Variants in GRHL2 observed in about 807,000 individuals in gnomAD.
GRHL2 encodes the protein grainyhead-like protein 2 homolog.
Under a neutral mutation model 83.8 loss-of-function variants are expected in GRHL2, and 21 were observed. That is an observed-to-expected ratio of 0.25 (90% confidence interval 0.18 to 0.36). The LOEUF is 0.36. GRHL2 is among the 10% of genes least tolerant of loss of function. The probability of loss-of-function intolerance (pLI) is 1.00; values close to 1 mark genes in which losing one functional copy is unlikely to be tolerated. For missense variants in GRHL2, 623 were observed against 781.8 expected, an observed-to-expected ratio of 0.80 and a Z score of 2.42; for synonymous variants, 280 against 278.9, an observed-to-expected ratio of 1.00 and a Z score of -0.04.
chr8:101,538,677 G>C (rs1474523927), intron 1 of GRHL2, among the ~76,000 whole-genome samples: 2 of 152,220 alleles, frequency 1.3e-5, no homozygotes, highest in Non-Finnish European at 2.9e-5. Flanking sequence ...CAGCTTCAGA[G>C]TGTTCCTAAC....
At chr8:101,609,826 A>G (rs1025365414) in intron 8 of GRHL2, among the ~76,000 whole-genome samples, 4 of 151,104 alleles carry the variant, frequency 2.6e-5, no homozygotes, top group Middle Eastern at 3.2e-3. Flanking sequence ...GAAACAAGGA[A>G]GGGAGGTCAT....
At position 101,654,981 on chromosome 8, in the gene GRHL2, G is replaced by A. The variant is rs187717925; in HGVS notation, c.1698+5482G>A. Among the ~76,000 whole-genome samples, 358 of 152,162 alleles carry A rather than the reference G, an allele frequency of 2.4e-3. 9 individuals carry two copies. In the East Asian group the frequency reaches 0.058, roughly 25 times the overall value. ...GCAGATCACCTGAGGTCGGGAGTTC[G>A]AGAACAGCCTGGCCAATATGGAGAA... is the stretch of plus-strand genomic sequence containing the variant. On this transcript the variant is annotated intron_variant, in intron 14 of 15. Coordinates refer to ENST00000646743, the MANE Select transcript of GRHL2 (RefSeq NM_024915.4).
intron 7 of GRHL2, among the ~76,000 whole-genome samples, chr8:101,580,419 T>C (rs547401019): frequency 2.0e-4 from 30 of 152,206 alleles, no homozygotes; most frequent in Non-Finnish European, 3.8e-4. Context: ...TCTCTAACTG[T>C]GTTTGTACCC....
chr8:101,634,659 C>T (rs1813251905), intron 11 of GRHL2, among the ~76,000 whole-genome samples: 1 of 152,164 alleles, frequency 6.6e-6, no homozygotes, highest in Non-Finnish European at 1.5e-5. Flanking sequence ...AACTGCGGGG[C>T]CAGCAGCCCT....
intron 1 of GRHL2, among the ~76,000 whole-genome samples, chr8:101,494,401 G>A (rs955839017): frequency 2.6e-4 from 39 of 152,222 alleles, no homozygotes; most frequent in African/African-American, 9.2e-4. Flanking sequence ...ACCGAGTACA[G>A]CATACCGGAG....
At position 101,509,123 on chromosome 8, in the gene GRHL2, TTC is replaced by T. The variant is rs1348239528; in HGVS notation, c.20+16335_20+16336del. 7.7e-4 allele frequency among the ~76,000 whole-genome samples: 48 copies of T among 62,464 alleles called. No individual in the cohort carries two copies. In the South Asian group the frequency reaches 0.027, roughly 35 times the overall value. 41.0% of individuals were successfully genotyped at this position (62,464 alleles called of 152,430 possible). A position where few individuals can be genotyped will look rare whatever the true frequency, so the allele number is the denominator to read the frequency against. On this transcript the variant is annotated intron_variant, in intron 1 of 15. Coordinates refer to ENST00000646743, the MANE Select transcript of GRHL2 (RefSeq NM_024915.4). ...TTTCTTTCTCTCCTTCCTTCCTTCC[TTC>T]CTTCCTTCCTTCCTTCCTTCCTTCC...
chr8:101,506,066 G>A (rs550592650), intron 1 of GRHL2, among the ~76,000 whole-genome samples: 1 of 152,298 alleles, frequency 6.6e-6, no homozygotes, highest in South Asian at 2.1e-4. Context: ...AGTTGAAAAT[G>A]TTTTTATGAT....
chr8:101,591,639 G>A (rs985215487), intron 7 of GRHL2, among the ~76,000 whole-genome samples: 5 of 152,142 alleles, frequency 3.3e-5, no homozygotes, highest in South Asian at 2.1e-4. Context: ...AAGCAGACCC[G>A]GATTCAAATC....
At chr8:101,524,044 G>A (rs1810751564) in intron 1 of GRHL2, among the ~76,000 whole-genome samples, 1 of 152,102 alleles carries the variant, frequency 6.6e-6, no homozygotes, top group Admixed American at 6.6e-5. Flanking sequence ...GGTATAACTT[G>A]GTTAAGGTAG....
At chr8:101,636,961 C>T (rs768665607) in intron 12 of GRHL2, 33 bp downstream of exon 12, 2 of 1,600,266 alleles carry the variant, frequency 1.2e-6, no homozygotes, top group Admixed American at 1.7e-5. Flanking sequence ...TTCAACACTC[C>T]AAGTCAGCTC....
At chr8:101,586,338 T>C (rs2130273490) in intron 7 of GRHL2, among the ~76,000 whole-genome samples, 1 of 152,278 alleles carries the variant, frequency 6.6e-6, no homozygotes, top group South Asian at 2.1e-4. Context: ...ATGACAGATA[T>C]CTTTTCACCC....
intron 13 of GRHL2, among the ~76,000 whole-genome samples, chr8:101,644,874 G>A (rs542737110): frequency 6.6e-6 from 1 of 151,120 alleles, no homozygotes; most frequent in Non-Finnish European, 1.5e-5. Context: ...TTGAGACAGG[G>A]TCTTGCTCTG....
At chr8:101,630,463 A>G (rs1813164741) in intron 9 of GRHL2, among the ~76,000 whole-genome samples, 1 of 152,182 alleles carries the variant, frequency 6.6e-6, no homozygotes, top group Admixed American at 6.5e-5. Flanking sequence ...TTTTATTGCA[A>G]GTATTTTCGC....
chr8:101,549,670 G>A (rs569995714), intron 2 of GRHL2, among the ~76,000 whole-genome samples: 12 of 152,294 alleles, frequency 7.9e-5, no homozygotes, highest in East Asian at 5.8e-4. Flanking sequence ...GCCTTTCCTC[G>A]TCTGGCCTTT....
At chr8:101,592,737 T>G (rs1812312999) in intron 7 of GRHL2, among the ~76,000 whole-genome samples, 1 of 152,170 alleles carries the variant, frequency 6.6e-6, no homozygotes. Flanking sequence ...TTGGAAACAC[T>G]TGTTCTGCTT....
At chr8:101,678,335 A>G in the GRHL2 span, among the ~76,000 whole-genome samples, 1 of 152,114 alleles carries the variant, frequency 6.6e-6, no homozygotes, top group African/African-American at 2.4e-5. Flanking sequence ...AGAACCTGGA[A>G]AATCGGGTCA....
At position 101,577,516 on chromosome 8, in the gene GRHL2, A is replaced by G; in HGVS notation, c.1000A>G (p.Ile334Val). Reference sequence around the variant, plus strand: ...TACGGCGAAGCAGAGGGTCCTTGACATTGGTAAGTTGACCTTGACTTCCCT... The same window carrying G: ...TACGGCGAAGCAGAGGGTCCTTGACGTTGGTAAGTTGACCTTGACTTCCCT... Reference protein sequence around the residue: ...QHTAKQRVLDIADYKESFNTI... With the variant: ...QHTAKQRVLDVADYKESFNTI... Residue 334 changes from isoleucine (I) to valine (V), a missense_variant, in exon 7 of 16, where the codon ATT becomes GTT. Transcript: ENST00000646743. 6.2e-7 allele frequency: 1 copy of G among 1,606,562 alleles called. No homozygotes were observed. Among genetic ancestry groups the G allele is most frequent in the African/African-American group, 1.3e-5 (1 of 74,910 alleles).
Sources: allele counts gnomAD v4.1 joint callset (sites outside exome capture counted in the v4.1 genomes callset), GRCh38; gene constraint gnomAD v4.1.1; transcripts MANE v1.5; gene names NCBI Gene and HGNC (gene_info 2026-07-23, HGNC 2026-07-21).